The following CHEK1 variants were observed in gnomAD, a reference collection of about 807,000 sequenced individuals.
CHEK1 encodes checkpoint kinase 1, also known as serine/threonine-protein kinase Chk1.
In CHEK1, 32 loss-of-function variants were observed where a neutral mutation model predicts 60.2. That is an observed-to-expected ratio of 0.53 (90% CI 0.40 to 0.71). The LOEUF is 0.71. CHEK1 is among the 30% of genes least tolerant of loss of function. CHEK1 has a pLI of 0.00. For missense variants in CHEK1, 399 were observed against 564.6 expected (o/e 0.71, Z 2.97); for synonymous variants, 179 against 187.2 (o/e 0.96, Z 0.36).
intron 5 of CHEK1, among the ~76,000 whole-genome samples, chr11:125,632,092 A>C (rs1940888835): frequency 6.6e-6 from 1 of 151,992 alleles, no homozygotes; most frequent in Non-Finnish European, 1.5e-5. Context: ...ATGCTATAAT[A>C]TTTTTTATGC....
At chr11:125,680,229 C>T (rs1942735471), downstream of CHEK1, among the ~76,000 whole-genome samples, 1 of 152,116 alleles carries the variant, frequency 6.6e-6, no homozygotes, top group Non-Finnish European at 1.5e-5. Context: ...TGGGGGATCC[C>T]AAAAGAAGAG....
chr11:125,640,782 C>T (rs535840905), intron 8 of CHEK1, among the ~76,000 whole-genome samples: 2 of 152,046 alleles, frequency 1.3e-5, no homozygotes, highest in African/African-American at 4.8e-5. Flanking sequence ...GTTGCCTATG[C>T]TTTTCTACCA....
intron 6 of CHEK1, among the ~76,000 whole-genome samples, chr11:125,633,998 G>GTTTC (rs1555069061): frequency 2.4e-5 from 3 of 126,956 alleles, no homozygotes; most frequent in Non-Finnish European, 4.8e-5. Context: ...CTCTATTGTG[G>GTTTC]TTTTTTTTTT....
intron 5 of CHEK1, among the ~76,000 whole-genome samples, chr11:125,632,454 C>G (rs502482): frequency 6.6e-6 from 1 of 152,068 alleles, no homozygotes; most frequent in Non-Finnish European, 1.5e-5. Flanking sequence ...ATTTTTATAA[C>G]CTTCATAACA....
rs1427360758 is a variant in CHEK1, at chr11:125,633,223, G to A, written c.485G>A (p.Arg162His). 8 of 1,604,772 alleles carry A rather than the reference G, an allele frequency of 5.0e-6. No homozygotes were observed. The highest frequency in any genetic ancestry group is 6.8e-6 in the Non-Finnish European group (8 of 1,177,560). The change falls in exon 6 of 13, where the codon CGT becomes CAT. Residue 162 changes from arginine (R) to histidine (H), a missense_variant. Physicochemically the swap from Arg to His is conservative, Grantham distance 29 (BLOSUM62 0). Transcript: ENST00000438015. ...GTATTTCGGTATAATAATCGTGAGC[G>A]TTTGTTGAACAAGATGTGTGGTACT... ...ATVFRYNNRE[R>H]LLNKMCGTLP...
downstream of CHEK1, chr11:125,678,182 A>C: frequency 6.2e-7 from 1 of 1,614,198 alleles, no homozygotes; most frequent in Non-Finnish European, 8.5e-7. Context: ...AAGAAGTCTC[A>C]TATAAAGCCT....
At chr11:125,636,071 AT>A (rs2087498268) in intron 7 of CHEK1, 1 of 152,174 alleles carries the variant, frequency 6.6e-6, no homozygotes, top group Non-Finnish European at 1.5e-5. Context: ...TAGAAAAAGT[AT>A]AGTAAAAATA....
chr11:125,642,932 G>A (rs1232124847), intron 8 of CHEK1: 1 of 152,088 alleles, frequency 6.6e-6, no homozygotes, highest in Non-Finnish European at 1.5e-5. Context: ...GGAAACTAGA[G>A]AAACAAATAT....
At chr11:125,629,501 T>TAA in intron 5 of CHEK1, 41 bp downstream of exon 5, 1 of 1,367,176 alleles carries the variant, frequency 7.3e-7, no homozygotes, top group Non-Finnish European at 1.0e-6. Context: ...TAAAATAAAA[T>TAA]AATTACCTAA....
intron 6 of CHEK1, among the ~76,000 whole-genome samples, chr11:125,634,966 T>G (rs1251802247): frequency 1.3e-5 from 2 of 151,924 alleles, no homozygotes; most frequent in African/African-American, 2.4e-5. Context: ...TTTTTGGTTT[T>G]TTTTTTTTTG....
chr11:125,678,978 T>TATATATA (rs1555078666), downstream of CHEK1, among the ~76,000 whole-genome samples: 29 of 88,438 alleles, frequency 3.3e-4, no homozygotes, highest in African/African-American at 1.1e-3. Context: ...TCTAGGCATA[T>TATATATA]TATATATATA....
At chr11:125,672,375 T>A in intron 13 of CHEK1, 1 of 506,900 alleles carries the variant, frequency 2.0e-6, no homozygotes, top group South Asian at 3.5e-5. Context: ...AAATCAGGAA[T>A]ATTGAGAGAA....
In CHEK1 at chr11:125,635,524, G is replaced by C; in HGVS notation, c.709G>C (p.Ala237Pro). 1 of 1,595,846 alleles carries C rather than the reference G, an allele frequency of 6.3e-7. No homozygotes were observed. Among genetic ancestry groups the C allele is most frequent in the South Asian group, 1.1e-5 (1 of 87,910 alleles). ...YLNPWKKIDS[A>P]PLALLHKILV... ...CAACCCTTGGAAAAAAATCGATTCT[G>C]CTCCTCTAGGTAACTGAATTATCTT... The change falls in exon 7 of 13, where the codon GCT (alanine) becomes CCT (proline). Residue 237 changes from alanine to proline, a missense_variant. Around this residue, in one of 2 missense-constraint regions of CHEK1, gnomAD observed 370 missense variants for 494.8 expected, o/e 0.75. Transcript: ENST00000438015.
chr11:125,657,187 T>TTTG (rs140073080), downstream of CHEK1: 1 of 146,958 alleles, frequency 6.8e-6, no homozygotes, highest in Admixed American at 7.0e-5. Flanking sequence ...CAACCTATGC[T>TTTG]TGTGTGTGTG....
rs552336850 is a variant in CHEK1, at chr11:125,626,933, G to C, written c.65+100G>C. 1.7e-5 allele frequency: 23 copies of C among 1,322,166 alleles called. No individual in the cohort carries two copies. The African/African-American group carries it at 3.4e-4, about 19-fold the overall frequency. 81.9% of individuals were successfully genotyped at this position (1,322,166 alleles called of 1,614,324 possible). Reference sequence around the variant, plus strand: ...AGAAAGTAGATGTTTGAGATCCAAGGGTTTTGGCAACTGAAGTTACACAGC... The same window carrying C: ...AGAAAGTAGATGTTTGAGATCCAAGCGTTTTGGCAACTGAAGTTACACAGC... On this transcript the variant is annotated intron_variant, in intron 2 of 12. Transcript: ENST00000438015.
chr11:125,644,437 T>G, intron 10 of CHEK1, 75 bp from the exon 11 acceptor site: 1 of 1,541,364 alleles, frequency 6.5e-7, no homozygotes, highest in Non-Finnish European at 8.7e-7. Flanking sequence ...TAATTTTAAG[T>G]CAGACTAAAT....
At chr11:125,672,895 C>G (rs565435) in intron 13 of CHEK1, among the ~76,000 whole-genome samples, 45,922 of 152,032 alleles carry the variant, frequency 0.3, 7,120 homozygotes, top group South Asian at 0.42. Context: ...TTGCCCACTC[C>G]TTTCTTATAT....
chr11:125,626,943 A>G (rs966145426), intron 2 of CHEK1, 110 bp downstream of exon 2: 9 of 1,184,516 alleles, frequency 7.6e-6, no homozygotes, highest in South Asian at 2.7e-5. Context: ...GGTTTTGGCA[A>G]CTGAAGTTAC....
At chr11:125,632,858 C>T (rs1046821689) in intron 5 of CHEK1, among the ~76,000 whole-genome samples, 2 of 152,142 alleles carry the variant, frequency 1.3e-5, no homozygotes, top group Non-Finnish European at 2.9e-5. Flanking sequence ...TTAGAGTGCT[C>T]TTTTCCAGAA....
Sources: gnomAD v4.1 joint callset for allele counts (sites outside exome capture counted in the v4.1 genomes callset) on GRCh38, gnomAD v4.1.1 for gene constraint, gnomAD v4.1.1 regional missense constraint, MANE v1.5 for transcripts, NCBI Gene and HGNC (gene_info 2026-07-23, HGNC 2026-07-21) for gene names.